WDR25: variants seen among roughly 807,000 people sequenced by gnomAD.
WDR25 encodes WD repeat domain 25.
WDR25 carries 35 observed loss-of-function variants against 47.7 expected under a neutral mutation model. The observed-to-expected ratio is 0.73, with a 90% CI of 0.56 to 0.97. WDR25 has a LOEUF of 0.97. Among genes scored for constraint, WDR25 ranks in the 50% least tolerant of loss-of-function variants. WDR25 has a pLI of 0.00. For synonymous variants in WDR25, 248 were observed against 278.9 expected (o/e 0.89, Z 1.10); for missense variants, 634 against 704.7 (o/e 0.90, Z 1.14).
intron 4 of WDR25, among the ~76,000 whole-genome samples, chr14:100,496,243 T>G (rs1317709568): frequency 1.3e-5 from 2 of 152,264 alleles, no homozygotes; most frequent in Non-Finnish European, 2.9e-5. Flanking sequence ...GGTAGTTGCA[T>G]GCCTCAAAGA....
chr14:100,433,930 G>A lies in WDR25; in HGVS notation c.823-34091G>A, dbSNP rs147258455. 4.2e-4 allele frequency among the ~76,000 whole-genome samples: 64 copies of A among 152,126 alleles called. 1 individual carries two copies. Among genetic ancestry groups the A allele is most frequent in the African/African-American group, 1.5e-3 (62 of 41,510 alleles). ...TCCTTTTAGTGGAGAAAGGCATTTA[G>A]AAACCAAGATTTTGGCCAGGCATAG... On this transcript the variant is annotated intron_variant, in intron 2 of 6. Transcript: ENST00000402312.
Position 100,460,111 on chromosome 14 carries a change from A to C in WDR25, c.823-7910A>C, listed in dbSNP as rs981379856. Reference sequence around the variant, plus strand: ...ATATCTCTCATGAACATAGATACAAAATTTTTTTTTTTTTTTTTTGAGACG... The same window carrying C: ...ATATCTCTCATGAACATAGATACAACATTTTTTTTTTTTTTTTTTGAGACG... On this transcript the variant is annotated intron_variant, in intron 2 of 6. Transcript: ENST00000402312. Among the ~76,000 whole-genome samples the C allele has an allele frequency of 1.0e-4, 14 of 138,462 alleles. No homozygotes were observed. In the East Asian group the frequency reaches 2.8e-3, roughly 27 times the overall value. The allele number at this position is 138,462 out of a possible 152,430, so 90.8% of individuals were successfully genotyped here.
At chr14:100,486,452 T>A (rs1003790734) in intron 4 of WDR25, among the ~76,000 whole-genome samples, 6 of 152,332 alleles carry the variant, frequency 3.9e-5, no homozygotes, top group Admixed American at 1.3e-4. Flanking sequence ...GCAGTATTTG[T>A]TTTTACTTCC....
chr14:100,439,819 CTTGAATGT>C (rs1412612750), intron 2 of WDR25, among the ~76,000 whole-genome samples: 1 of 152,202 alleles, frequency 6.6e-6, no homozygotes, highest in Admixed American at 6.5e-5. Flanking sequence ...TAAATGTTAT[CTTGAATGT>C]TTGAGGGTTT....
intron 3 of WDR25, among the ~76,000 whole-genome samples, chr14:100,483,785 G>C (rs1900285950): frequency 6.6e-6 from 1 of 152,160 alleles, no homozygotes; most frequent in Non-Finnish European, 1.5e-5. Flanking sequence ...TGTTCAGCTA[G>C]TCAAGGGTGG....
At chr14:100,482,538 G>A (rs1900239342) in intron 3 of WDR25, among the ~76,000 whole-genome samples, 1 of 152,122 alleles carries the variant, frequency 6.6e-6, no homozygotes, top group Admixed American at 6.5e-5. Context: ...CATGGATGGG[G>A]CGTACTGTCA....
chr14:100,386,679 G>A (rs1296162477), intron 2 of WDR25, among the ~76,000 whole-genome samples: 1 of 152,032 alleles, frequency 6.6e-6, no homozygotes, highest in Non-Finnish European at 1.5e-5. Flanking sequence ...GGATCACGAG[G>A]TCAGGAGATT....
At chr14:100,408,900 A>G (rs540676807) in intron 2 of WDR25, among the ~76,000 whole-genome samples, 1 of 152,384 alleles carries the variant, frequency 6.6e-6, no homozygotes, top group African/African-American at 2.4e-5. Flanking sequence ...TGCATTAAAT[A>G]GGAAATAAAA....
rs1037331497 is a variant in WDR25, at chr14:100,392,225, G to T, written c.822+10479G>T. ...CTCTTTGGGGTCCTCAGTCATTTTA[G>T]ACAGTGTAATTGAGGACCACAGTTT... On this transcript the variant is annotated intron_variant, in intron 2 of 6. Transcript: ENST00000402312. The surrounding 1 kb of genome is among the most constrained non-coding windows in gnomAD (Gnocchi z 4.2). Among the ~76,000 whole-genome samples, 4 of 152,090 alleles carry T rather than the reference G, an allele frequency of 2.6e-5. No homozygotes were observed. The highest frequency in any genetic ancestry group is 9.7e-5 in the African/African-American group (4 of 41,408).
At chr14:100,382,244 C>T (rs1595485071) in intron 2 of WDR25, 4 of 697,976 alleles carry the variant, frequency 5.7e-6, no homozygotes, top group Non-Finnish European at 1.0e-5. Flanking sequence ...GTGAGGACGG[C>T]CCCCAGTAGG....
rs1193499884 is a variant in WDR25, at chr14:100,392,477, A to C, written c.822+10731A>C. ...CTGCCCTTCCTTTGGCCCTTTGTGGAGATGACTCAGCAGCATTACAAAACC... is the reference window on the plus strand; with the variant it reads ...CTGCCCTTCCTTTGGCCCTTTGTGGCGATGACTCAGCAGCATTACAAAACC... On this transcript the variant is annotated intron_variant, in intron 2 of 6. Transcript: ENST00000402312. This position sits in a 1 kb window ranked among gnomAD's most constrained non-coding sequence, Gnocchi z 4.2. 6.6e-6 allele frequency among the ~76,000 whole-genome samples: 1 copy of C among 151,830 alleles called. No homozygotes were observed. The highest frequency in any genetic ancestry group is 6.6e-5 in the Admixed American group (1 of 15,230).
Position 100,519,815 on chromosome 14 carries a change from T to C in WDR25, c.1102-6055T>C, listed in dbSNP as rs147166521. 5.4e-4 allele frequency among the ~76,000 whole-genome samples: 76 copies of C among 140,678 alleles called. 1 individual carries two copies. The East Asian group carries it at 0.013, about 23-fold the overall frequency. 92.3% of individuals were successfully genotyped at this position (140,678 alleles called of 152,430 possible). A position where few individuals can be genotyped will look rare whatever the true frequency, so the allele number is the denominator to read the frequency against. Reference sequence around the variant, plus strand: ...TACTATATGTATATATGTATATATGTATACTATATGTATATATAGTATATA... The same window carrying C: ...TACTATATGTATATATGTATATATGCATACTATATGTATATATAGTATATA... On this transcript the variant is annotated intron_variant, in intron 4 of 6. Transcript: ENST00000402312.
chr14:100,436,640 C>T (rs562016082), intron 2 of WDR25, among the ~76,000 whole-genome samples: 1 of 152,240 alleles, frequency 6.6e-6, no homozygotes, highest in African/African-American at 2.4e-5. Flanking sequence ...TTCGGTGTCT[C>T]TTGGGTCGTG....
intron 2 of WDR25, among the ~76,000 whole-genome samples, chr14:100,441,963 A>C (rs1490464561): frequency 6.6e-6 from 1 of 152,200 alleles, no homozygotes; most frequent in Non-Finnish European, 1.5e-5. Flanking sequence ...GCAGTTGCTC[A>C]GGGTCACACA....
intron 4 of WDR25, among the ~76,000 whole-genome samples, chr14:100,494,134 C>T (rs527337716): frequency 3.3e-5 from 5 of 152,246 alleles, no homozygotes; most frequent in African/African-American, 1.2e-4. Context: ...TCACAGCTTA[C>T]TGCAGCCTCA....
At chr14:100,418,415 C>T (rs1208543737) in intron 2 of WDR25, among the ~76,000 whole-genome samples, 3 of 151,440 alleles carry the variant, frequency 2.0e-5, no homozygotes, top group Non-Finnish European at 4.4e-5. Flanking sequence ...GGGCGGATCA[C>T]GAGGTCAAGA....
At chr14:100,450,375 A>C (rs1282462961) in intron 2 of WDR25, among the ~76,000 whole-genome samples, 3 of 152,132 alleles carry the variant, frequency 2.0e-5, no homozygotes, top group Non-Finnish European at 4.4e-5. Context: ...TCCACCTGCT[A>C]TTGTCATCTC....
rs1012711122 is a variant in WDR25 at position 100,424,450 on chromosome 14, A to T, written c.822+42704A>T. On this transcript the variant is annotated intron_variant, in intron 2 of 6. Transcript: ENST00000402312. The surrounding 1 kb of genome is among the most constrained non-coding windows in gnomAD (Gnocchi z 4.2). ...GCAGGACAATCCTTTGCTACTGGGG[A>T]CCCGCCACTGACCCCAGGGCTTTCT... Among the ~76,000 whole-genome samples, 5 of 152,074 alleles carry T rather than the reference A, an allele frequency of 3.3e-5. No individual in the cohort carries two copies. Among genetic ancestry groups the T allele is most frequent in the Admixed American group, 6.5e-5 (1 of 15,278 alleles).
intron 4 of WDR25, among the ~76,000 whole-genome samples, chr14:100,490,216 C>T (rs2140330426): frequency 6.6e-6 from 1 of 152,278 alleles, no homozygotes; most frequent in East Asian, 1.9e-4. Context: ...TGTGGACTCC[C>T]TGAGGGAAAG....
Sources: allele counts gnomAD v4.1 joint callset (sites outside exome capture counted in the v4.1 genomes callset), GRCh38; gene constraint gnomAD v4.1.1; non-coding constraint Gnocchi (gnomAD v3.1); transcripts MANE v1.5; gene names NCBI Gene and HGNC (gene_info 2026-07-23, HGNC 2026-07-21).